Variants in INTS6 observed in about 807,000 individuals in gnomAD.
The protein encoded by INTS6 is DEAD box protein.
A neutral mutation model predicts 104.9 loss-of-function variants in INTS6; 16 were observed. That is an observed-to-expected ratio of 0.15 (90% CI 0.10 to 0.23). INTS6 has a LOEUF of 0.23. INTS6 is among the 10% of genes least tolerant of loss of function. The pLI, the probability that INTS6 is intolerant of heterozygous loss-of-function variation, is 1.00. For synonymous variants in INTS6, 324 were observed against 358.7 expected (o/e 0.90, Z 1.09); for missense variants, 584 against 1,062.8 (o/e 0.55, Z 6.26).
At chr13:51,338,864 T>C in the INTS6 span, among the ~76,000 whole-genome samples, 2 of 152,258 alleles carry the variant, frequency 1.3e-5, no homozygotes, top group East Asian at 3.8e-4. Flanking sequence ...CACTTACAGA[T>C]GCCTGAGAGA....
At chr13:51,419,205 C>CA (rs1361572089) in intron 4 of INTS6, among the ~76,000 whole-genome samples, 2 of 151,982 alleles carry the variant, frequency 1.3e-5, no homozygotes, top group Non-Finnish European at 2.9e-5. Flanking sequence ...GATGAGGTGC[C>CA]AAAAAAACCT....
At chr13:51,431,609 T>C (rs1957091591) in intron 3 of INTS6, among the ~76,000 whole-genome samples, 1 of 152,152 alleles carries the variant, frequency 6.6e-6, no homozygotes, top group Admixed American at 6.5e-5. Flanking sequence ...GAATTCACAG[T>C]TAGTTATATG....
At chr13:51,375,971 T>G in intron 13 of INTS6, 77 bp downstream of exon 13, 2 of 1,239,944 alleles carry the variant, frequency 1.6e-6, no homozygotes, top group Non-Finnish European at 2.2e-6. Context: ...TCTTTGAAAT[T>G]TACATCACCA....
chr13:51,348,764 C>T, the INTS6 span: 3 of 241,166 alleles, frequency 1.2e-5, no homozygotes, highest in African/African-American at 4.4e-5. Context: ...CTTGTAGGAA[C>T]GTTGCCCAAA....
chr13:51,369,615 A>C (rs932182077), intron 15 of INTS6, among the ~76,000 whole-genome samples: 2 of 152,186 alleles, frequency 1.3e-5, no homozygotes, highest in African/African-American at 4.8e-5. Context: ...TAGGTTCTTG[A>C]TACTTCAATG....
At chr13:51,451,892 T>G (rs1340884022) in intron 2 of INTS6, 86 bp downstream of exon 2, 17 of 680,982 alleles carry the variant, frequency 2.5e-5, no homozygotes, top group Non-Finnish European at 3.3e-5. Context: ...GGGAGCATAA[T>G]GAAGGGTGAA....
At chr13:51,341,141 G>A in the INTS6 span, 49 of 1,613,806 alleles carry the variant, frequency 3.0e-5, no homozygotes, top group East Asian at 3.6e-4. Flanking sequence ...TGCTGCCTCC[G>A]AGCAAATGGC....
At chr13:51,396,665 TCTAA>T (rs1460938198) in intron 4 of INTS6, among the ~76,000 whole-genome samples, 5 of 152,186 alleles carry the variant, frequency 3.3e-5, no homozygotes, top group African/African-American at 9.6e-5. Flanking sequence ...AGCCTTCGGT[TCTAA>T]CTACCAGTTT....
At chr13:51,398,149 T>C (rs535693554) in intron 4 of INTS6, among the ~76,000 whole-genome samples, 13 of 152,160 alleles carry the variant, frequency 8.5e-5, no homozygotes, top group Middle Eastern at 3.4e-3. Context: ...TAAGGAGTAA[T>C]GGCAGGCAAA....
intron 15 of INTS6, 133 bp from the exon 16 acceptor site, chr13:51,369,443 T>C (rs546944867): frequency 1.6e-4 from 138 of 872,152 alleles, no homozygotes; most frequent in Non-Finnish European, 2.3e-4. Flanking sequence ...AATAATGTGA[T>C]ATAGTTTTTA....
chr13:51,389,192 C>A, intron 6 of INTS6, 127 bp downstream of exon 6: 1 of 859,928 alleles, frequency 1.2e-6, no homozygotes, highest in Non-Finnish European at 1.8e-6. Flanking sequence ...CCCTCTTTAC[C>A]AACAGCCTTT....
chr13:51,417,420 C>T (rs991070932), intron 4 of INTS6, among the ~76,000 whole-genome samples: 1 of 149,826 alleles, frequency 6.7e-6, no homozygotes, highest in Admixed American at 6.6e-5. Flanking sequence ...CATGCATATT[C>T]AGTTGGCCCA....
intron 9 of INTS6, among the ~76,000 whole-genome samples, chr13:51,383,075 C>T (rs1168686271): frequency 2.0e-5 from 3 of 151,082 alleles, no homozygotes; most frequent in Admixed American, 1.3e-4. Context: ...AGCGAGACTC[C>T]GTCCCCTCCC....
intron 7 of INTS6, 101 bp downstream of exon 7, chr13:51,387,285 A>G: frequency 9.1e-7 from 1 of 1,096,382 alleles, no homozygotes; most frequent in Non-Finnish European, 1.3e-6. Flanking sequence ...ACATCTGTCT[A>G]ATCCCCATAA....
intron 4 of INTS6, among the ~76,000 whole-genome samples, chr13:51,424,771 C>T (rs1956958106): frequency 6.6e-6 from 1 of 151,914 alleles, no homozygotes; most frequent in Admixed American, 6.6e-5. Context: ...TATGAAGAGG[C>T]TACTACAGGA....
intron 4 of INTS6, among the ~76,000 whole-genome samples, chr13:51,405,607 G>A (rs1205512265): frequency 2.0e-5 from 3 of 151,964 alleles, no homozygotes; most frequent in Non-Finnish European, 2.9e-5. Flanking sequence ...ACAGTACTCC[G>A]AAGCACTCAA....
chr13:51,422,100 A>C (rs927358645), intron 4 of INTS6, among the ~76,000 whole-genome samples: 1 of 152,202 alleles, frequency 6.6e-6, no homozygotes, highest in African/African-American at 2.4e-5. Context: ...GGCAAGAAAA[A>C]GTCTTTGAGG....
Position 51,420,335 on chromosome 13 carries a change from TA to T in INTS6, c.429+9958del, listed in dbSNP as rs1384495690. ...TTTTTACTAATATAGGTGGTTCATT[TA>T]AAAAAAAAAAGTTAAGTCTTAGGAC... On this transcript the variant is annotated intron_variant, in intron 4 of 17. Coordinates refer to ENST00000311234, the MANE Select transcript of INTS6 (RefSeq NM_012141.3). Among the ~76,000 whole-genome samples, 1,217 of 145,848 alleles carry T rather than the reference TA, an allele frequency of 8.3e-3. 12 individuals are homozygous for T. Among genetic ancestry groups the T allele is most frequent in the African/African-American group, 0.025 (992 of 40,016 alleles).
At chr13:51,396,239 A>G (rs939559712) in intron 4 of INTS6, among the ~76,000 whole-genome samples, 2 of 152,198 alleles carry the variant, frequency 1.3e-5, no homozygotes, top group African/African-American at 4.8e-5. Flanking sequence ...GCTTCATTTT[A>G]TATAAGATAA....
Sources: gnomAD v4.1 joint callset for allele counts (sites outside exome capture counted in the v4.1 genomes callset) on GRCh38, gnomAD v4.1.1 for gene constraint, MANE v1.5 for transcripts, NCBI Gene and HGNC (gene_info 2026-07-23, HGNC 2026-07-21) for gene names.